Variants in FHIT observed in about 807,000 individuals in gnomAD.
FHIT encodes the protein bis(5'-adenosyl)-triphosphatase.
In FHIT, 19 loss-of-function variants were observed where a neutral mutation model predicts 17.9. The ratio of observed to expected loss-of-function variants is 1.06; its 90% CI spans 0.74 to 1.56. FHIT has a LOEUF of 1.56. Ranked by LOEUF, FHIT falls within the 40% of genes most tolerant of loss-of-function variation. The pLI is 0.00. For synonymous variants in FHIT, 81 were observed against 69.7 expected (o/e 1.16, Z -0.81); for missense variants, 248 against 189.2 (o/e 1.31, Z -1.82).
intron 5 of FHIT, among the ~76,000 whole-genome samples, chr3:60,206,480 A>G (rs186153): frequency 0.21 from 31,885 of 151,930 alleles, 3,688 homozygotes; most frequent in Middle Eastern, 0.29. Context: ...CAAAAGCACA[A>G]TTTTTTTCTT....
chr3:60,463,742 C>A (rs985770281), intron 5 of FHIT, among the ~76,000 whole-genome samples: 2 of 152,166 alleles, frequency 1.3e-5, no homozygotes, highest in African/African-American at 4.8e-5. Flanking sequence ...CCAGTTGAAA[C>A]TCTGGCTTTG....
intron 2 of FHIT, among the ~76,000 whole-genome samples, chr3:61,053,919 TG>T (rs1341469933): frequency 6.6e-6 from 1 of 152,162 alleles, no homozygotes; most frequent in African/African-American, 2.4e-5. Flanking sequence ...GAGGTGACTG[TG>T]GGCAGTGAGC....
rs115515589 is a variant in FHIT at position 60,732,528 on chromosome 3, G to T, written c.-18+89391C>A. On this transcript the variant is annotated intron_variant, in intron 4 of 9. Transcript: ENST00000492590. ...CCTTTCTTTCCAGCGCTCAGAGCACGAAAGTTTTCTGCTGTCTTTGGAACC... is the reference window on the plus strand; with the variant it reads ...CCTTTCTTTCCAGCGCTCAGAGCACTAAAGTTTTCTGCTGTCTTTGGAACC... 7.6e-6 allele frequency: 5 copies of T among 657,804 alleles called. No individual in the cohort carries two copies. In the African/African-American group the frequency reaches 9.0e-5, roughly 12 times the overall value. The allele number at this position is 657,804 out of a possible 1,614,324, so 40.7% of individuals were successfully genotyped here. A position where few individuals can be genotyped will look rare whatever the true frequency, so the allele number is the denominator to read the frequency against.
At chr3:60,972,468 T>C (rs1245583643) in intron 3 of FHIT, among the ~76,000 whole-genome samples, 3 of 152,256 alleles carry the variant, frequency 2.0e-5, no homozygotes, top group South Asian at 2.1e-4. Context: ...TGAAAATATA[T>C]CTTTTTTCCT....
At chr3:60,930,909 G>C in intron 3 of FHIT, among the ~76,000 whole-genome samples, 1 of 152,186 alleles carries the variant, frequency 6.6e-6, no homozygotes, top group East Asian at 1.9e-4. Context: ...AAAGACACAT[G>C]CACACGTGTG....
intron 5 of FHIT, among the ~76,000 whole-genome samples, chr3:60,435,873 T>C (rs981669050): frequency 6.6e-6 from 1 of 152,072 alleles, no homozygotes; most frequent in East Asian, 1.9e-4. Flanking sequence ...TGTGTTCTCA[T>C]CATTTAGCTC....
chr3:61,071,310 A>G (rs1191126800), intron 2 of FHIT, among the ~76,000 whole-genome samples: 1 of 152,242 alleles, frequency 6.6e-6, no homozygotes, highest in Non-Finnish European at 1.5e-5. Context: ...AAGGTAGACT[A>G]TACAACATAC....
At chr3:60,831,079 T>C (rs1312424442) in intron 3 of FHIT, among the ~76,000 whole-genome samples, 1 of 152,148 alleles carries the variant, frequency 6.6e-6, no homozygotes, top group Non-Finnish European at 1.5e-5. Context: ...CTAACAACCA[T>C]ACCACTTCCC....
intron 5 of FHIT, among the ~76,000 whole-genome samples, chr3:60,527,370 A>C: frequency 6.6e-6 from 1 of 152,250 alleles, no homozygotes; most frequent in East Asian, 1.9e-4. Flanking sequence ...TATCATGGCT[A>C]ACTTTTAAAG....
chr3:60,887,165 T>G (rs1559801742), intron 3 of FHIT, among the ~76,000 whole-genome samples: 2 of 151,704 alleles, frequency 1.3e-5, no homozygotes, highest in African/African-American at 2.4e-5. Flanking sequence ...TAGATGGCCT[T>G]GGCCATCTAA....
chr3:60,356,914 G>A (rs535997707), intron 5 of FHIT, among the ~76,000 whole-genome samples: 1 of 152,176 alleles, frequency 6.6e-6, no homozygotes, highest in South Asian at 2.1e-4. Flanking sequence ...GCTAGAACTG[G>A]GCCAGGTGCT....
intron 3 of FHIT, among the ~76,000 whole-genome samples, chr3:60,952,877 T>C (rs1553777639): frequency 6.6e-6 from 1 of 152,236 alleles, no homozygotes; most frequent in East Asian, 1.9e-4. Context: ...CAACCTAATA[T>C]AAAACCATCT....
At chr3:60,481,317 T>G (rs1039277755) in intron 5 of FHIT, among the ~76,000 whole-genome samples, 1 of 151,930 alleles carries the variant, frequency 6.6e-6, no homozygotes, top group African/African-American at 2.4e-5. Context: ...TTCAGAAAAT[T>G]CAGAGAACAC....
chr3:60,860,467 T>TATC (rs1553751531), intron 3 of FHIT, among the ~76,000 whole-genome samples: 36 of 126,996 alleles, frequency 2.8e-4, no homozygotes, highest in African/African-American at 9.7e-4. Flanking sequence ...TGTACATATA[T>TATC]ATGTATATAT....
At chr3:59,932,819 T>C (rs1575720898) in intron 7 of FHIT, among the ~76,000 whole-genome samples, 1 of 152,200 alleles carries the variant, frequency 6.6e-6, no homozygotes, top group South Asian at 2.1e-4. Context: ...AAGGAAAGAA[T>C]AAGAGTAGTT....
At chr3:60,235,591 T>C (rs1055722634) in intron 5 of FHIT, among the ~76,000 whole-genome samples, 10 of 152,148 alleles carry the variant, frequency 6.6e-5, no homozygotes, top group African/African-American at 2.4e-4. Context: ...GAAGGAAACA[T>C]TGTATACAGA....
At chr3:60,450,926 G>T (rs2031696652) in intron 5 of FHIT, among the ~76,000 whole-genome samples, 1 of 152,102 alleles carries the variant, frequency 6.6e-6, no homozygotes, top group Non-Finnish European at 1.5e-5. Flanking sequence ...TCTCATATGG[G>T]CTATTTAAGT....
intron 4 of FHIT, among the ~76,000 whole-genome samples, chr3:60,569,755 A>ATATATTTTTTTTT: frequency 9.1e-5 from 7 of 77,336 alleles, no homozygotes; most frequent in African/African-American, 9.7e-5. Flanking sequence ...ATATATATAT[A>ATATATTTTTTTTT]TTTTTTTTTT....
intron 3 of FHIT, among the ~76,000 whole-genome samples, chr3:60,934,212 T>C (rs551864013): frequency 6.3e-4 from 96 of 151,676 alleles, no homozygotes; most frequent in Middle Eastern, 3.4e-3. Flanking sequence ...CCAGGAGAAA[T>C]GGAGACCTGA....
Sources: gnomAD v4.1 joint callset for allele counts (sites outside exome capture counted in the v4.1 genomes callset) on GRCh38, gnomAD v4.1.1 for gene constraint, MANE v1.5 for transcripts, NCBI Gene and HGNC (gene_info 2026-07-23, HGNC 2026-07-21) for gene names.